PAIP2B: variants seen among roughly 807,000 people sequenced by gnomAD.
PAIP2B encodes the protein polyadenylate-binding protein-interacting protein 2B.
In PAIP2B, 13 loss-of-function variants were observed where a neutral mutation model predicts 17.0. That is an observed-to-expected ratio of 0.76 (90% CI 0.50 to 1.22). PAIP2B has a LOEUF of 1.22. Among genes scored for constraint, PAIP2B ranks in the 50% most tolerant of loss-of-function variants. The pLI is 0.00. For missense variants in PAIP2B, 117 were observed against 144.5 expected (o/e 0.81, Z 0.98); for synonymous variants, 43 against 48.7 (o/e 0.88, Z 0.48).
intron 2 of PAIP2B, among the ~76,000 whole-genome samples, chr2:71,194,330 T>C (rs1258516503): frequency 2.6e-5 from 4 of 152,224 alleles, no homozygotes; most frequent in African/African-American, 9.6e-5. Context: ...TTTAATGATA[T>C]TGATTCTTCC....
At chr2:71,206,643 C>G (rs904311815) in intron 1 of PAIP2B, among the ~76,000 whole-genome samples, 2 of 152,172 alleles carry the variant, frequency 1.3e-5, no homozygotes, top group Non-Finnish European at 2.9e-5. Context: ...CAGTTTAACA[C>G]TTTAAACACC....
At position 71,189,159 on chromosome 2, in the gene PAIP2B, C is replaced by T. The variant is rs567155946; in HGVS notation, c.316-624G>A. Among the ~76,000 whole-genome samples the T allele has an allele frequency of 1.3e-3, 196 of 152,114 alleles. 1 individual carries two copies. Among genetic ancestry groups the T allele is most frequent in the Non-Finnish European group, 2.0e-3 (138 of 67,992 alleles). On this transcript the variant is annotated intron_variant, in intron 3 of 3. Transcript: ENST00000244221. Reference sequence around the variant, plus strand: ...GCCTTCCAAGCTGGGACTACAGGCGCGCACCACCATGCCTGGCTAATTTTT... The same window carrying T: ...GCCTTCCAAGCTGGGACTACAGGCGTGCACCACCATGCCTGGCTAATTTTT...
At chr2:71,222,311 T>C (rs1046139797) in intron 1 of PAIP2B, among the ~76,000 whole-genome samples, 1 of 152,224 alleles carries the variant, frequency 6.6e-6, no homozygotes, top group Non-Finnish European at 1.5e-5. Flanking sequence ...CACAAGTGAC[T>C]GGACCAGGGC....
Position 71,185,133 on chromosome 2 carries a change from T to C in PAIP2B, c.*3346A>G, listed in dbSNP as rs1674503148. On this transcript the variant is annotated 3_prime_UTR_variant, in exon 4 of 4. Transcript: ENST00000244221. ...ACACAACTTTCCTCTCTAACACGTGTTAATTATCAGAGTATTCACCTCACC... is the reference window on the plus strand; with the variant it reads ...ACACAACTTTCCTCTCTAACACGTGCTAATTATCAGAGTATTCACCTCACC... 1 of 152,194 alleles carries C rather than the reference T, an allele frequency of 6.6e-6. No homozygotes were observed. The highest frequency in any genetic ancestry group is 1.5e-5 in the Non-Finnish European group (1 of 68,050). The allele number at this position is 152,194 out of a possible 1,614,324, so 9.4% of individuals were successfully genotyped here. A position where few individuals can be genotyped will look rare whatever the true frequency, so the allele number is the denominator to read the frequency against.
chr2:71,195,514 TGTA>T (rs1342084525), intron 2 of PAIP2B, among the ~76,000 whole-genome samples: 2 of 152,212 alleles, frequency 1.3e-5, no homozygotes, highest in African/African-American at 4.8e-5. Flanking sequence ...GTGTAGTGCT[TGTA>T]GTAGTTTTTG....
At chr2:71,220,811 C>T (rs1028956033) in intron 1 of PAIP2B, among the ~76,000 whole-genome samples, 1 of 152,168 alleles carries the variant, frequency 6.6e-6, no homozygotes, top group African/African-American at 2.4e-5. Flanking sequence ...AGAAATCTTT[C>T]CCCAGCACTC....
chr2:71,184,922 T>C lies in PAIP2B; in HGVS notation c.*3557A>G, dbSNP rs1402499828. The stretch of plus-strand genomic sequence containing the variant: ...TTCAATACCTCAATATCACCTAAAC[T>C]GAGAAAGATTATTAGCCCGTGATGG... On this transcript the variant is annotated 3_prime_UTR_variant, in exon 4 of 4. Transcript: ENST00000244221. 4 of 152,126 alleles carry C rather than the reference T, an allele frequency of 2.6e-5. No individual in the cohort carries two copies. The highest frequency in any genetic ancestry group is 9.7e-5 in the African/African-American group (4 of 41,402). The allele number at this position is 152,126 out of a possible 1,614,324, so 9.4% of individuals were successfully genotyped here.
intron 1 of PAIP2B, among the ~76,000 whole-genome samples, chr2:71,203,614 A>G (rs749200086): frequency 6.6e-6 from 1 of 151,824 alleles, no homozygotes; most frequent in Admixed American, 6.6e-5. Flanking sequence ...CTGGCCATTT[A>G]TATTTCTTAT....
chr2:71,204,226 A>G (rs1675065250), intron 1 of PAIP2B, among the ~76,000 whole-genome samples: 1 of 151,984 alleles, frequency 6.6e-6, no homozygotes. Context: ...TCTCTAACTC[A>G]TCTCTCTTCA....
chr2:71,201,837 A>T (rs1674992167), intron 2 of PAIP2B, among the ~76,000 whole-genome samples: 1 of 152,224 alleles, frequency 6.6e-6, no homozygotes, highest in African/African-American at 2.4e-5. Flanking sequence ...TTAATTTCAC[A>T]TTGATCACTA....
intron 1 of PAIP2B, among the ~76,000 whole-genome samples, chr2:71,203,693 T>C (rs1675047723): frequency 6.6e-6 from 1 of 151,650 alleles, no homozygotes; most frequent in African/African-American, 2.4e-5. Flanking sequence ...CCTTATCTTT[T>C]GTAAAAACAT....
intron 1 of PAIP2B, among the ~76,000 whole-genome samples, chr2:71,204,343 A>G (rs1031488802): frequency 2.6e-5 from 4 of 152,204 alleles, no homozygotes; most frequent in African/African-American, 9.6e-5. Context: ...ACACTTGTGA[A>G]TAAGTTATTT....
intron 1 of PAIP2B, among the ~76,000 whole-genome samples, chr2:71,217,943 C>T (rs1284784807): frequency 6.6e-6 from 1 of 152,100 alleles, no homozygotes; most frequent in Non-Finnish European, 1.5e-5. Flanking sequence ...TGGTATATAC[C>T]TGTAGTCCTA....
At chr2:71,221,662 A>G (rs1675583900) in intron 1 of PAIP2B, among the ~76,000 whole-genome samples, 1 of 152,232 alleles carries the variant, frequency 6.6e-6, no homozygotes, top group Non-Finnish European at 1.5e-5. Context: ...TGAATTGGAC[A>G]AAAGGCCATG....
chr2:71,213,289 T>C (rs1280313259), intron 1 of PAIP2B, among the ~76,000 whole-genome samples: 1 of 152,120 alleles, frequency 6.6e-6, no homozygotes, highest in African/African-American at 2.4e-5. Flanking sequence ...AAATAAAGGT[T>C]TGCCACAACA....
At chr2:71,192,295 G>A (rs1483596336) in intron 2 of PAIP2B, among the ~76,000 whole-genome samples, 1 of 139,018 alleles carries the variant, frequency 7.2e-6, no homozygotes, top group Non-Finnish European at 1.5e-5. Context: ...TTGAAGGTTT[G>A]TGGCAACCTT....
In PAIP2B at chr2:71,191,950, A is replaced by G. The variant is rs982431265; in HGVS notation, c.139-1929T>C. ...CAACCCTCACCTCATGTACTTCTCT[A>G]TTTCAGACTCACATCCTGCCAATCC... On this transcript the variant is annotated intron_variant, in intron 2 of 3. Transcript: ENST00000244221. Among the ~76,000 whole-genome samples the G allele has an allele frequency of 9.2e-5, 14 of 152,226 alleles. No homozygotes were observed. In the East Asian group the frequency reaches 2.1e-3, roughly 23 times the overall value.
intron 1 of PAIP2B, among the ~76,000 whole-genome samples, chr2:71,226,459 C>T (rs1183664252): frequency 6.6e-6 from 1 of 152,114 alleles, no homozygotes; most frequent in South Asian, 2.1e-4. Context: ...AGGCAGAGGA[C>T]GCGCAGGGGC....
intron 1 of PAIP2B, among the ~76,000 whole-genome samples, chr2:71,225,630 A>T (rs1209316791): frequency 6.6e-6 from 1 of 152,100 alleles, no homozygotes; most frequent in Non-Finnish European, 1.5e-5. Context: ...TCAAAATAAA[A>T]CCCTCACTGT....
Sources: gnomAD v4.1 joint callset for allele counts (sites outside exome capture counted in the v4.1 genomes callset) on GRCh38, gnomAD v4.1.1 for gene constraint, MANE v1.5 for transcripts, NCBI Gene and HGNC (gene_info 2026-07-23, HGNC 2026-07-21) for gene names.